LRRC8D: variants seen among roughly 807,000 people sequenced by gnomAD.
The protein encoded by LRRC8D is leucine rich repeat containing 8 VRAC subunit D.
LRRC8D carries 20 observed loss-of-function variants against 55.8 expected under a neutral mutation model. The observed-to-expected ratio is 0.36, with a 90% CI of 0.25 to 0.52. LRRC8D has a LOEUF of 0.52. Ranked by LOEUF, LRRC8D falls within the 20% of genes least tolerant of loss-of-function variation. LRRC8D has a pLI of 0.93. For missense variants in LRRC8D, 651 were observed against 1,030.8 expected, an observed-to-expected ratio of 0.63 and a Z score of 5.05; for synonymous variants, 352 against 377.0, an observed-to-expected ratio of 0.93 and a Z score of 0.77.
At position 89,868,778 on chromosome 1, in the gene LRRC8D, G is replaced by T. The variant is rs1420909087; in HGVS notation, c.-3+24996G>T. Among the ~76,000 whole-genome samples, 3 of 152,086 alleles carry T rather than the reference G, an allele frequency of 2.0e-5. No individual in the cohort carries two copies. The East Asian group carries it at 5.8e-4, about 29-fold the overall frequency. On this transcript the variant is annotated intron_variant, in intron 2 of 2. Transcript: ENST00000337338. ...GGCTACCGGAGGATTCTAGGCTTCT[G>T]GTCAGTGCTCTCAACCACTGAACAC...
At chr1:89,873,711 A>C (rs1316142624) in intron 2 of LRRC8D, among the ~76,000 whole-genome samples, 2 of 152,244 alleles carry the variant, frequency 1.3e-5, no homozygotes, top group South Asian at 4.1e-4. Flanking sequence ...GTAAACCTAA[A>C]TTTTATAATC....
chr1:89,874,375 G>A (rs1443454543), intron 2 of LRRC8D, among the ~76,000 whole-genome samples: 1 of 152,010 alleles, frequency 6.6e-6, no homozygotes, highest in Non-Finnish European at 1.5e-5. Flanking sequence ...ATGAGATGGA[G>A]TTGGATTCTA....
intron 2 of LRRC8D, among the ~76,000 whole-genome samples, chr1:89,854,738 G>T (rs1342551998): frequency 6.6e-6 from 1 of 152,190 alleles, no homozygotes; most frequent in African/African-American, 2.4e-5. Flanking sequence ...TATCATTTAT[G>T]GGTTCTTCTG....
At chr1:89,867,089 T>A (rs192784239) in intron 2 of LRRC8D, among the ~76,000 whole-genome samples, 35 of 152,278 alleles carry the variant, frequency 2.3e-4, no homozygotes, top group African/African-American at 8.2e-4. Flanking sequence ...ACATTTAGAA[T>A]CATGTGACCA....
rs566775121 is a variant in LRRC8D, at chr1:89,900,417, TTTTCTTAGTTTGCCTGA to T, written c.-2-32616_-2-32600del. ...ATGTAGGTTAAAAAGTCATCGTCTG[TTTTCTTAGTTTGCCTGA>T]TTTCTTAGTTTGCCTGATTTCTTAG... is the stretch of plus-strand genomic sequence containing the variant. On this transcript the variant is annotated intron_variant, in intron 2 of 2. Coordinates refer to ENST00000337338, the MANE Select transcript of LRRC8D (RefSeq NM_001134479.2). 3.0e-3 allele frequency among the ~76,000 whole-genome samples: 457 copies of T among 151,758 alleles called. 1 individual carries two copies. Among genetic ancestry groups the T allele is most frequent in the Middle Eastern group, 6.8e-3 (2 of 294 alleles).
chr1:89,912,722 A>G (rs1277129517), intron 2 of LRRC8D, among the ~76,000 whole-genome samples: 1 of 152,210 alleles, frequency 6.6e-6, no homozygotes, highest in Admixed American at 6.5e-5. Flanking sequence ...TGTATTATTT[A>G]TAATAAATTA....
At chr1:89,930,939 G>A (rs776853734) in intron 2 of LRRC8D, among the ~76,000 whole-genome samples, 23 of 150,972 alleles carry the variant, frequency 1.5e-4, no homozygotes, top group Admixed American at 3.3e-4. Flanking sequence ...TCAAGTGGGC[G>A]TGTTATCTCC....
In LRRC8D at chr1:89,935,267, C is replaced by G. The variant is rs747685835; in HGVS notation, c.2199C>G (p.Cys733Trp). The change falls in exon 3 of 3, where the codon TGC becomes TGG. Residue 733 changes from cysteine (C) to tryptophan (W), a missense_variant. Coordinates refer to ENST00000337338, the MANE Select transcript of LRRC8D (RefSeq NM_001134479.2). ...TATTTAGTTTACAGAAACTCAGATG[C>G]TTAGATGTGAGCTACAACAACATTT... The part of the protein sequence containing the change: ...VAVFSLQKLR[C>W]LDVSYNNISM... 6.8e-6 allele frequency: 11 copies of G among 1,614,136 alleles called. No homozygotes were observed. The Middle Eastern group carries it at 9.9e-4, about 145-fold the overall frequency.
intron 2 of LRRC8D, among the ~76,000 whole-genome samples, chr1:89,927,923 T>G (rs1455967657): frequency 6.6e-6 from 1 of 152,230 alleles, no homozygotes; most frequent in Non-Finnish European, 1.5e-5. Context: ...TAGCCACTAT[T>G]ACTGTCACCA....
chr1:89,844,868 A>G (rs1390526895), intron 2 of LRRC8D, among the ~76,000 whole-genome samples: 2 of 152,114 alleles, frequency 1.3e-5, no homozygotes, highest in Non-Finnish European at 2.9e-5. Context: ...AATCAGTTTG[A>G]TGGGATCATT....
chr1:89,907,183 CTTTTTTTTTTTTT>C (rs71584958), intron 2 of LRRC8D, among the ~76,000 whole-genome samples: 1 of 69,774 alleles, frequency 1.4e-5, no homozygotes, highest in Non-Finnish European at 2.8e-5. Flanking sequence ...TCCACTGTGT[CTTTTTTTTTTTTT>C]TTTTTTTTTT....
At chr1:89,841,823 C>G (rs1661140232) in intron 1 of LRRC8D, among the ~76,000 whole-genome samples, 1 of 152,118 alleles carries the variant, frequency 6.6e-6, no homozygotes, top group South Asian at 2.1e-4. Flanking sequence ...AAAGAAACTG[C>G]CTACCACAAC....
chr1:89,912,453 G>C (rs1001344804), intron 2 of LRRC8D, among the ~76,000 whole-genome samples: 4 of 123,676 alleles, frequency 3.2e-5, no homozygotes, highest in African/African-American at 1.3e-4. Flanking sequence ...GGACTATCTT[G>C]TTCTCCAATA....
At chr1:89,857,951 A>C (rs1015675196) in intron 2 of LRRC8D, among the ~76,000 whole-genome samples, 2 of 152,228 alleles carry the variant, frequency 1.3e-5, no homozygotes, top group Non-Finnish European at 2.9e-5. Context: ...AGCCTTTGCC[A>C]GGCAAGGTGG....
intron 1 of LRRC8D, among the ~76,000 whole-genome samples, chr1:89,833,473 T>C (rs1660933180): frequency 6.6e-6 from 1 of 152,214 alleles, no homozygotes; most frequent in South Asian, 2.1e-4. Flanking sequence ...GGTGAGCTTC[T>C]GAGAGCACTT....
rs552981701 is a variant in LRRC8D at position 89,917,230 on chromosome 1, A to G, written c.-2-15837A>G. Among the ~76,000 whole-genome samples the G allele has an allele frequency of 3.3e-5, 5 of 152,230 alleles. No individual in the cohort carries two copies. In the South Asian group the frequency reaches 1.0e-3, roughly 32 times the overall value. ...CCCATTAATCTATCCATTTTATTCAATACCTTTTCTACCACTCACAACCTA... is the reference window on the plus strand; with the variant it reads ...CCCATTAATCTATCCATTTTATTCAGTACCTTTTCTACCACTCACAACCTA... On this transcript the variant is annotated intron_variant, in intron 2 of 2. Transcript: ENST00000337338.
chr1:89,844,857 T>TA (rs575219171), intron 2 of LRRC8D, among the ~76,000 whole-genome samples: 114 of 152,324 alleles, frequency 7.5e-4, no homozygotes, highest in African/African-American at 2.2e-3. Context: ...TGGCTGAGAA[T>TA]AATCAGTTTG....
At chr1:89,824,288 G>A (rs1660714097) in intron 1 of LRRC8D, among the ~76,000 whole-genome samples, 1 of 152,198 alleles carries the variant, frequency 6.6e-6, no homozygotes. Flanking sequence ...TTAGGAAGCT[G>A]ATGTAGGAGA....
chr1:89,885,301 G>A (rs1391379102), intron 2 of LRRC8D, among the ~76,000 whole-genome samples: 2 of 152,148 alleles, frequency 1.3e-5, no homozygotes, highest in Non-Finnish European at 2.9e-5. Flanking sequence ...TGATCTTCCT[G>A]CCTAAAATGC....
Sources: gnomAD v4.1 joint callset for allele counts (sites outside exome capture counted in the v4.1 genomes callset) on GRCh38, gnomAD v4.1.1 for gene constraint, MANE v1.5 for transcripts, NCBI Gene and HGNC (gene_info 2026-07-23, HGNC 2026-07-21) for gene names.